GLRA3: variants seen among roughly 807,000 people sequenced by gnomAD.
GLRA3 encodes glycine receptor subunit alpha-3.
GLRA3 carries 44 observed loss-of-function variants against 60.4 expected under a neutral mutation model. The observed-to-expected ratio is 0.73, with a 90% confidence interval of 0.57 to 0.94. The LOEUF (loss-of-function observed/expected upper bound fraction) is 0.94, where lower values mean the gene tolerates loss of function less well. Among genes scored for constraint, GLRA3 ranks in the 40% least tolerant of loss-of-function variants. The pLI is 0.00. For synonymous variants in GLRA3, 223 were observed against 192.9 expected (o/e 1.16, Z -1.29); for missense variants, 508 against 564.6 (o/e 0.90, Z 1.02).
chr4:174,751,675 A>G (rs1447058571), intron 3 of GLRA3, among the ~76,000 whole-genome samples: 2 of 152,132 alleles, frequency 1.3e-5, no homozygotes, highest in Non-Finnish European at 2.9e-5. Context: ...CCACTGAGTA[A>G]TGAGTACAGA....
chr4:174,824,690 A>G (rs1269530339), intron 1 of GLRA3, among the ~76,000 whole-genome samples: 1 of 152,102 alleles, frequency 6.6e-6, no homozygotes, highest in Non-Finnish European at 1.5e-5. Context: ...TTTATATATC[A>G]TTTTGCCCCT....
chr4:174,706,317 C>T (rs1443760933), intron 5 of GLRA3, among the ~76,000 whole-genome samples: 2 of 152,082 alleles, frequency 1.3e-5, no homozygotes, highest in Non-Finnish European at 1.5e-5. Context: ...TCAGGAAACA[C>T]ATTTTAGGCA....
rs373407058 is a variant in GLRA3, at chr4:174,638,084, A to T, written c.*5702T>A. On this transcript the variant is annotated 3_prime_UTR_variant, in exon 10 of 10. Transcript: ENST00000274093. ...GGGGAATAAACTTACTTGGTATTTT[A>T]GGAAGTAAAAGTCATTTCTTGATGA... 1.3e-5 allele frequency: 2 copies of T among 152,150 alleles called. No homozygotes were observed. The highest frequency in any genetic ancestry group is 4.8e-5 in the African/African-American group (2 of 41,440). 9.4% of individuals were successfully genotyped at this position (152,150 alleles called of 1,614,324 possible).
chr4:174,643,497 T>C lies in GLRA3; in HGVS notation c.*289A>G. ...TACTATTATGAGATATTATATAACA[T>C]ATAAACACATTGGCAGTAAAGCTTC... On this transcript the variant is annotated 3_prime_UTR_variant, in exon 10 of 10. Coordinates refer to ENST00000274093, the MANE Select transcript of GLRA3 (RefSeq NM_006529.4). 4.0e-6 allele frequency: 4 copies of C among 991,274 alleles called. No homozygotes were observed. The highest frequency in any genetic ancestry group is 8.4e-5 in the South Asian group (2 of 23,762). 61.4% of individuals were successfully genotyped at this position (991,274 alleles called of 1,614,324 possible). A position where few individuals can be genotyped will look rare whatever the true frequency, so the allele number is the denominator to read the frequency against.
rs1380880262 is a variant in GLRA3 at position 174,829,236 on chromosome 4, C to T, written c.-425G>A. The T allele has an allele frequency of 1.2e-5, 2 of 164,036 alleles. No individual in the cohort carries two copies. Among genetic ancestry groups the T allele is most frequent in the East Asian group, 3.5e-4 (2 of 5,658 alleles). The allele number at this position is 164,036 out of a possible 1,614,324, so 10.2% of individuals were successfully genotyped here. ...GCGCCGCCCGCCGGAATCCAGCTCT[C>T]CACCTTGGGTTAAAACCCGAGACCC... On this transcript the variant is annotated 5_prime_UTR_variant, in exon 1 of 10. Transcript: ENST00000274093.
rs1403810998 is a variant in GLRA3, at chr4:174,784,049, G to A, written c.199+4767C>T. Among the ~76,000 whole-genome samples, 393 of 149,770 alleles carry A rather than the reference G, an allele frequency of 2.6e-3. 3 individuals are homozygous for A. Among genetic ancestry groups the A allele is most frequent in the African/African-American group, 9.1e-3 (367 of 40,498 alleles). ...TGTTTATTGCGGCATTATTCACATA[G>A]CAAAGACTTGGAACCAACCCAAATG... On this transcript the variant is annotated intron_variant, in intron 2 of 9. Transcript: ENST00000274093.
At chr4:174,731,657 T>A (rs1736552012) in intron 3 of GLRA3, among the ~76,000 whole-genome samples, 1 of 152,186 alleles carries the variant, frequency 6.6e-6, no homozygotes, top group South Asian at 2.1e-4. Context: ...TAATAAATTC[T>A]ACGATGTCAG....
intron 8 of GLRA3, among the ~76,000 whole-genome samples, chr4:174,657,954 G>T (rs904259859): frequency 2.0e-5 from 3 of 152,110 alleles, no homozygotes; most frequent in African/African-American, 4.8e-5. Flanking sequence ...AGGCCAATTA[G>T]AAATGATAAG....
In GLRA3 at chr4:174,671,173, A is replaced by T. The variant is rs1733890832; in HGVS notation, c.927+5905T>A. On this transcript the variant is annotated intron_variant, in intron 7 of 9. Transcript: ENST00000274093. ...ATAAACTTAAAATGAACTCACTTGGATCATGTTTGTACTGAACTTGATTGA... is the reference window on the plus strand; with the variant it reads ...ATAAACTTAAAATGAACTCACTTGGTTCATGTTTGTACTGAACTTGATTGA... Among the ~76,000 whole-genome samples the T allele has an allele frequency of 2.6e-5, 4 of 152,240 alleles. No homozygotes were observed. The South Asian group carries it at 8.3e-4, about 32-fold the overall frequency.
intron 8 of GLRA3, 98 bp from the exon 9 acceptor site, chr4:174,656,885 A>T: frequency 1.4e-6 from 1 of 709,800 alleles, no homozygotes; most frequent in Non-Finnish European, 2.6e-6. Context: ...AATTGTATAT[A>T]CCATTTGAAC....
intron 1 of GLRA3, among the ~76,000 whole-genome samples, chr4:174,804,187 CAGAGTTTCAG>C (rs1298192499): frequency 4.6e-5 from 7 of 152,184 alleles, no homozygotes; most frequent in African/African-American, 1.7e-4. Flanking sequence ...AATAGTGCTC[CAGAGTTTCAG>C]GCAGGAAAAT....
chr4:174,645,635 T>C (rs1732785664), intron 9 of GLRA3, among the ~76,000 whole-genome samples: 1 of 152,136 alleles, frequency 6.6e-6, no homozygotes, highest in Non-Finnish European at 1.5e-5. Flanking sequence ...TATATGATTA[T>C]TGGAAAATAT....
rs776340051 is a variant in GLRA3, at chr4:174,828,789, C to T, written c.23G>A (p.Arg8Gln). 2.5e-6 allele frequency: 4 copies of T among 1,611,468 alleles called. No individual in the cohort carries two copies. Among genetic ancestry groups the T allele is most frequent in the Non-Finnish European group, 3.4e-6 (4 of 1,177,732 alleles). MAHVRHF[R>Q]TLVSGFYFWE... ...GAAGTAAAATCCCGAAACTAATGTC[C>T]GAAAGTGTCTCACGTGGGCCATGAT... is the stretch of plus-strand genomic sequence containing the variant. Residue 8 changes from arginine to glutamine, a missense_variant, in exon 1 of 10, where the codon CGG becomes CAG. Physicochemically the swap from Arg to Gln is conservative, Grantham distance 43. This residue lies in a region of GLRA3 where 329 missense variants were observed against 349.3 expected (regional missense o/e 0.94). Coordinates refer to ENST00000274093, the MANE Select transcript of GLRA3 (RefSeq NM_006529.4).
At chr4:174,793,843 T>C (rs1447902370) in intron 1 of GLRA3, among the ~76,000 whole-genome samples, 1 of 152,178 alleles carries the variant, frequency 6.6e-6, no homozygotes, top group African/African-American at 2.4e-5. Flanking sequence ...TCTTTTCATA[T>C]ATATTTTCAG....
Position 174,642,109 on chromosome 4 carries a change from G to A in GLRA3, c.*1677C>T, listed in dbSNP as rs559204892. On this transcript the variant is annotated 3_prime_UTR_variant, in exon 10 of 10. Coordinates refer to ENST00000274093, the MANE Select transcript of GLRA3 (RefSeq NM_006529.4). ...GTTGTTTTAAGTTACTTATAAAGGA[G>A]GGGAACTTGGTCTTTTACTAGCAAA... 6.1e-5 allele frequency: 54 copies of A among 890,730 alleles called. No homozygotes were observed. The highest frequency in any genetic ancestry group is 7.0e-5 in the Non-Finnish European group (52 of 743,684). The allele number at this position is 890,730 out of a possible 1,614,324, so 55.2% of individuals were successfully genotyped here.
Position 174,648,487 on chromosome 4 carries a change from C to A in GLRA3, c.1117-4423G>T, listed in dbSNP as rs1200403096. Among the ~76,000 whole-genome samples, 6 of 152,096 alleles carry A rather than the reference C, an allele frequency of 3.9e-5. No individual in the cohort carries two copies. The East Asian group carries it at 1.2e-3, about 29-fold the overall frequency. ...TCTCAGAATCAATCAATCAATCAAT[C>A]AATCTCTGCTGAGAAGGACTGACTG... On this transcript the variant is annotated intron_variant, in intron 9 of 9. Coordinates refer to ENST00000274093, the MANE Select transcript of GLRA3 (RefSeq NM_006529.4).
chr4:174,756,273 T>C (rs1184691940), intron 3 of GLRA3, among the ~76,000 whole-genome samples: 1 of 152,194 alleles, frequency 6.6e-6, no homozygotes, highest in Non-Finnish European at 1.5e-5. Context: ...AGCATAATAC[T>C]GATACCACAC....
intron 5 of GLRA3, among the ~76,000 whole-genome samples, chr4:174,693,419 C>T (rs534608729): frequency 6.6e-6 from 1 of 152,216 alleles, no homozygotes. Context: ...TAGGGAATCT[C>T]TTCCCCATTG....
chr4:174,828,901 C>T lies in GLRA3; in HGVS notation c.-90G>A. The T allele has an allele frequency of 2.2e-6, 2 of 908,722 alleles. No individual in the cohort carries two copies. The highest frequency in any genetic ancestry group is 3.7e-6 in the Non-Finnish European group (2 of 544,466). 56.3% of individuals were successfully genotyped at this position (908,722 alleles called of 1,614,324 possible). On this transcript the variant is annotated 5_prime_UTR_variant, in exon 1 of 10. Transcript: ENST00000274093. ...AGAATGAAAATGTACAATCTAACCC[C>T]GCATGGTGTTGGTGTAGACTGATGC...
Sources: allele counts gnomAD v4.1 joint callset (sites outside exome capture counted in the v4.1 genomes callset), GRCh38; gene constraint gnomAD v4.1.1; regional missense constraint gnomAD v4.1.1; transcripts MANE v1.5; gene names NCBI Gene and HGNC (gene_info 2026-07-23, HGNC 2026-07-21).